Variants in AFF3 observed in about 807,000 individuals in gnomAD.
AFF3 encodes AF4/FMR2 family member 3.
A neutral mutation model predicts 129.7 loss-of-function variants in AFF3; 32 were observed. The ratio of observed to expected loss-of-function variants is 0.25; its 90% CI spans 0.19 to 0.33. The LOEUF (loss-of-function observed/expected upper bound fraction) is 0.33. Ranked by LOEUF, AFF3 falls within the 10% of genes least tolerant of loss-of-function variation. AFF3 has a pLI of 1.00. For synonymous variants in AFF3, 644 were observed against 635.4 expected, an observed-to-expected ratio of 1.01 and a Z score of -0.20; for missense variants, 1,373 against 1,592.0, an observed-to-expected ratio of 0.86 and a Z score of 2.34.
intron 10 of AFF3, among the ~76,000 whole-genome samples, chr2:99,736,758 C>T (rs561671447): frequency 5.9e-5 from 9 of 151,998 alleles, no homozygotes; most frequent in African/African-American, 1.4e-4. Flanking sequence ...TACAGGCATA[C>T]GCCACCACGC....
intron 15 of AFF3, among the ~76,000 whole-genome samples, chr2:99,589,679 G>C (rs1678475937): frequency 6.6e-6 from 1 of 152,160 alleles, no homozygotes; most frequent in Admixed American, 6.5e-5. Flanking sequence ...GATTATAGGA[G>C]TAAGCCACCA....
At chr2:99,823,207 C>T (rs1472972993) in intron 8 of AFF3, among the ~76,000 whole-genome samples, 1 of 152,120 alleles carries the variant, frequency 6.6e-6, no homozygotes, top group African/African-American at 2.4e-5. Context: ...TGTTTACAAA[C>T]ATTTTTAAAC....
intron 4 of AFF3, among the ~76,000 whole-genome samples, chr2:100,023,447 G>T (rs1001062241): frequency 6.6e-5 from 10 of 152,054 alleles, no homozygotes; most frequent in Admixed American, 6.5e-5. Flanking sequence ...CATAATTTCT[G>T]GGAAACATAC....
intron 7 of AFF3, among the ~76,000 whole-genome samples, chr2:99,872,948 T>C (rs1691994773): frequency 6.6e-6 from 1 of 152,194 alleles, no homozygotes; most frequent in Non-Finnish European, 1.5e-5. Context: ...ACAAACACTG[T>C]CAGTTGTTTT....
At chr2:99,811,234 CT>C (rs1224800679) in intron 8 of AFF3, among the ~76,000 whole-genome samples, 8 of 152,206 alleles carry the variant, frequency 5.3e-5, no homozygotes, top group African/African-American at 1.9e-4. Flanking sequence ...GCCTTCAGAA[CT>C]TTATGCTCTC....
chr2:99,823,220 A>C (rs1376202210), intron 8 of AFF3, among the ~76,000 whole-genome samples: 1 of 152,082 alleles, frequency 6.6e-6, no homozygotes, highest in African/African-American at 2.4e-5. Context: ...TTTTAAACTA[A>C]CTTTAAAGGT....
intron 18 of AFF3, 35 bp from the exon 19 acceptor site, chr2:99,568,950 G>T (rs200053588): frequency 1.9e-6 from 3 of 1,573,740 alleles, no homozygotes; most frequent in Non-Finnish European, 2.6e-6. Context: ...CGTCATTATG[G>T]CTTAAGTGCA....
chr2:99,907,241 A>G (rs574920095), intron 7 of AFF3, among the ~76,000 whole-genome samples: 2 of 152,304 alleles, frequency 1.3e-5, no homozygotes, highest in African/African-American at 2.4e-5. Flanking sequence ...TGTCATTGAT[A>G]AAAAGATGAT....
At chr2:99,770,354 C>G (rs1683375575) in intron 8 of AFF3, among the ~76,000 whole-genome samples, 1 of 152,008 alleles carries the variant, frequency 6.6e-6, no homozygotes, top group South Asian at 2.1e-4. Context: ...TGAGTGCTGC[C>G]TGGCCTGGGA....
At chr2:100,032,143 G>A (rs1684541885) in intron 4 of AFF3, among the ~76,000 whole-genome samples, 1 of 152,122 alleles carries the variant, frequency 6.6e-6, no homozygotes, top group Admixed American at 6.5e-5. Context: ...ATGCCTGAGA[G>A]AGGCCAGGTA....
chr2:100,104,798 AGCCGCCGCCGCC>A (rs1161664536), intron 3 of AFF3: 106,861 of 614,636 alleles, frequency 0.17, 9,678 homozygotes, highest in Middle Eastern at 0.24. Context: ...CCGCTGCTGC[AGCCGCCGCCGCC>A]GCCGCCGCCG....
chr2:99,638,712 T>C (rs1209722868), intron 13 of AFF3, among the ~76,000 whole-genome samples: 3 of 152,214 alleles, frequency 2.0e-5, no homozygotes, highest in African/African-American at 7.2e-5. Flanking sequence ...AGGGGGCATC[T>C]GGAAGAACCT....
chr2:100,093,485 A>T (rs1559120081), intron 4 of AFF3, among the ~76,000 whole-genome samples: 1 of 152,098 alleles, frequency 6.6e-6, no homozygotes, highest in Non-Finnish European at 1.5e-5. Flanking sequence ...TATTTACCTA[A>T]CTATTAGAAA....
intron 2 of AFF3, among the ~76,000 whole-genome samples, chr2:100,122,936 G>A (rs1310845507): frequency 6.6e-6 from 1 of 152,180 alleles, no homozygotes; most frequent in Admixed American, 6.5e-5. Context: ...GAAAGTGTGG[G>A]AAACACTGAG....
chr2:99,946,639 T>C (rs145325619), intron 7 of AFF3, among the ~76,000 whole-genome samples: 3 of 152,018 alleles, frequency 2.0e-5, no homozygotes, highest in East Asian at 3.9e-4. Context: ...TACCAAAATA[T>C]AGGAAAGAAA....
chr2:99,802,693 C>CT (rs57516339), intron 8 of AFF3, among the ~76,000 whole-genome samples: 2,436 of 122,522 alleles, frequency 0.02, 74 homozygotes, highest in African/African-American at 0.066. Flanking sequence ...CCTAGGGTGT[C>CT]TTTTTTTTTT....
intron 4 of AFF3, among the ~76,000 whole-genome samples, chr2:100,101,222 T>C (rs1224146283): frequency 1.3e-5 from 2 of 152,322 alleles, no homozygotes; most frequent in African/African-American, 2.4e-5. Flanking sequence ...CAATTGATTG[T>C]GTATATTGAT....
chr2:100,068,220 G>A (rs1226921674), intron 4 of AFF3, among the ~76,000 whole-genome samples: 1 of 152,110 alleles, frequency 6.6e-6, no homozygotes, highest in Non-Finnish European at 1.5e-5. Context: ...TGATCTTTTT[G>A]ACAAACAAAA....
In AFF3 at chr2:100,006,652, T is replaced by C. The variant is rs1216423317; in HGVS notation, c.853A>G (p.Ser285Gly). ...ARAKAKLSKF[S>G]IPKQGEESRS... is the part of the protein sequence containing the mutation. ...CTCACCTCCCCCTGCTTGGGGATGC[T>C]GAACTTGGAGAGCTTGGCCTTGGCT... Residue 285 changes from serine to glycine, a missense_variant, in exon 7 of 25, where the codon AGC becomes GGC. Coordinates refer to ENST00000672756, the MANE Select transcript of AFF3 (RefSeq NM_001386135.1). The C allele has an allele frequency of 1.9e-6, 3 of 1,607,624 alleles. No homozygotes were observed. The highest frequency in any genetic ancestry group is 2.6e-6 in the Non-Finnish European group (3 of 1,174,554).
Sources: gnomAD v4.1 joint callset for allele counts (sites outside exome capture counted in the v4.1 genomes callset) on GRCh38, gnomAD v4.1.1 for gene constraint, MANE v1.5 for transcripts, NCBI Gene and HGNC (gene_info 2026-07-23, HGNC 2026-07-21) for gene names.